The following TMEM117 variants were observed in gnomAD, a reference collection of about 807,000 sequenced individuals.
TMEM117 encodes the protein transmembrane protein 117.
TMEM117 carries 27 observed loss-of-function variants against 52.4 expected under a neutral mutation model. The observed-to-expected ratio is 0.51, with a 90% CI of 0.38 to 0.71. The LOEUF (loss-of-function observed/expected upper bound fraction) is 0.71, where lower values mean the gene tolerates loss of function less well. TMEM117 is among the 30% of genes least tolerant of loss of function. The probability of loss-of-function intolerance (pLI) is 0.00; values close to 1 mark genes in which losing one functional copy is unlikely to be tolerated. For missense variants in TMEM117, 556 were observed against 630.5 expected (o/e 0.88, Z 1.26); for synonymous variants, 215 against 206.3 (o/e 1.04, Z -0.36).
chr12:44,355,145 C>G (rs1054864039), intron 6 of TMEM117, among the ~76,000 whole-genome samples: 1 of 151,990 alleles, frequency 6.6e-6, no homozygotes, highest in Non-Finnish European at 1.5e-5. Context: ...TTAAATGATG[C>G]ACAATCATTT....
At chr12:44,102,023 G>A (rs764777301) in intron 3 of TMEM117, among the ~76,000 whole-genome samples, 20 of 151,944 alleles carry the variant, frequency 1.3e-4, no homozygotes, top group Non-Finnish European at 1.8e-4. Flanking sequence ...GGTGGGCTTG[G>A]GGGAATTTGT....
intron 6 of TMEM117, among the ~76,000 whole-genome samples, chr12:44,357,328 T>C (rs755402724): frequency 6.6e-6 from 1 of 152,100 alleles, no homozygotes; most frequent in Non-Finnish European, 1.5e-5. Flanking sequence ...CACTAAACTG[T>C]GTGATCCTCT....
At chr12:44,010,630 T>C (rs1946275839) in intron 3 of TMEM117, among the ~76,000 whole-genome samples, 1 of 152,248 alleles carries the variant, frequency 6.6e-6, no homozygotes. Flanking sequence ...TGATTTTATA[T>C]TCTCTCCTTA....
At chr12:44,382,736 G>A (rs1432862148) in intron 7 of TMEM117, among the ~76,000 whole-genome samples, 1 of 152,206 alleles carries the variant, frequency 6.6e-6, no homozygotes, top group Non-Finnish European at 1.5e-5. Flanking sequence ...GAGGCACTTT[G>A]AGAAGTTGTA....
intron 1 of TMEM117, among the ~76,000 whole-genome samples, chr12:43,840,483 A>G (rs1007504214): frequency 6.6e-6 from 1 of 152,208 alleles, no homozygotes; most frequent in Non-Finnish European, 1.5e-5. Context: ...TCATCAATGC[A>G]GTCCTTGGAC....
chr12:44,038,468 G>T (rs970467710), intron 3 of TMEM117, among the ~76,000 whole-genome samples: 2 of 152,184 alleles, frequency 1.3e-5, no homozygotes, highest in African/African-American at 4.8e-5. Context: ...AGTGTGCATG[G>T]CTGTGCGCAG....
chr12:44,384,933 C>T (rs59593996), intron 7 of TMEM117, among the ~76,000 whole-genome samples: 1 of 152,072 alleles, frequency 6.6e-6, no homozygotes, highest in Non-Finnish European at 1.5e-5. Flanking sequence ...GGTAGTTACA[C>T]TGGTATTATT....
intron 3 of TMEM117, among the ~76,000 whole-genome samples, chr12:44,016,165 G>A (rs1397673613): frequency 6.6e-6 from 1 of 152,116 alleles, no homozygotes; most frequent in African/African-American, 2.4e-5. Context: ...TGGCTGCTTT[G>A]TTCTTATGTC....
At chr12:44,067,691 T>G (rs1036865177) in intron 3 of TMEM117, among the ~76,000 whole-genome samples, 6 of 152,328 alleles carry the variant, frequency 3.9e-5, no homozygotes, top group African/African-American at 1.4e-4. Context: ...GGCTTTGTTG[T>G]TTCATTTATA....
chr12:44,106,667 A>C (rs999877789), intron 3 of TMEM117, among the ~76,000 whole-genome samples: 29 of 151,982 alleles, frequency 1.9e-4, no homozygotes, highest in Non-Finnish European at 3.5e-4. Context: ...TTTTAATAAA[A>C]AATTAAACAA....
chr12:43,985,651 T>C (rs1945836694), intron 3 of TMEM117, among the ~76,000 whole-genome samples: 1 of 152,204 alleles, frequency 6.6e-6, no homozygotes, highest in Non-Finnish European at 1.5e-5. Context: ...ACTCAGCTTA[T>C]AATTAGTGTC....
chr12:43,992,602 A>G (rs1427737279), intron 3 of TMEM117, among the ~76,000 whole-genome samples: 1 of 152,190 alleles, frequency 6.6e-6, no homozygotes, highest in Non-Finnish European at 1.5e-5. Flanking sequence ...AGGCTTGTTT[A>G]TACCACATAT....
chr12:43,973,283 A>G (rs1332690624), intron 3 of TMEM117, among the ~76,000 whole-genome samples: 1 of 152,222 alleles, frequency 6.6e-6, no homozygotes, highest in Non-Finnish European at 1.5e-5. Context: ...TGGCAAGACA[A>G]AAAATGGAGA....
intron 5 of TMEM117, among the ~76,000 whole-genome samples, chr12:44,290,207 TA>T (rs1950687399): frequency 6.6e-6 from 1 of 152,200 alleles, no homozygotes; most frequent in African/African-American, 2.4e-5. Flanking sequence ...TCTTTTGCAG[TA>T]CATAAGTTTC....
intron 4 of TMEM117, among the ~76,000 whole-genome samples, chr12:44,172,148 A>G (rs902753406): frequency 1.3e-5 from 2 of 152,184 alleles, no homozygotes; most frequent in Non-Finnish European, 2.9e-5. Flanking sequence ...AGGATTTTTC[A>G]TGGGTTCTTT....
the TMEM117 span, chr12:43,806,097 C>G: frequency 2.6e-6 from 4 of 1,521,130 alleles, no homozygotes; most frequent in Non-Finnish European, 3.5e-6. Flanking sequence ...AGGCCCGGCT[C>G]GCCCCGCGAG....
chr12:44,147,605 G>C (rs750639901), intron 4 of TMEM117, among the ~76,000 whole-genome samples: 8 of 151,970 alleles, frequency 5.3e-5, no homozygotes, highest in Non-Finnish European at 1.0e-4. Context: ...GTTGGGGTGA[G>C]GGGTATAGAT....
intron 4 of TMEM117, among the ~76,000 whole-genome samples, chr12:44,205,393 A>G (rs1949551661): frequency 6.6e-6 from 1 of 152,178 alleles, no homozygotes; most frequent in Non-Finnish European, 1.5e-5. Flanking sequence ...TGGAACTGTG[A>G]GTCCATTAAA....
At chr12:44,382,344 G>T (rs1360189461) in intron 7 of TMEM117, among the ~76,000 whole-genome samples, 2 of 152,100 alleles carry the variant, frequency 1.3e-5, no homozygotes, top group African/African-American at 4.8e-5. Flanking sequence ...TGAACATTTT[G>T]CTTTTCACAG....
Sources: gnomAD v4.1 joint callset for allele counts (sites outside exome capture counted in the v4.1 genomes callset) on GRCh38, gnomAD v4.1.1 for gene constraint, MANE v1.5 for transcripts, NCBI Gene and HGNC (gene_info 2026-07-23, HGNC 2026-07-21) for gene names.